Variants in KANK1 observed in about 807,000 individuals in gnomAD.
The protein encoded by KANK1 is KN motif and ankyrin repeat domain-containing protein 1.
Under a neutral mutation model 106.2 loss-of-function variants are expected in KANK1, and 109 were observed. That is an observed-to-expected ratio of 1.03 (90% CI 0.88 to 1.20). The LOEUF (loss-of-function observed/expected upper bound fraction) is 1.20, where lower values mean the gene tolerates loss of function less well. KANK1 is among the 50% of genes most tolerant of loss of function. The probability of loss-of-function intolerance (pLI) is 0.00; values close to 1 mark genes in which losing one functional copy is unlikely to be tolerated. For missense variants in KANK1, 2,399 were observed against 1,710.7 expected, an observed-to-expected ratio of 1.40 and a Z score of -7.10; for synonymous variants, 873 against 652.2, an observed-to-expected ratio of 1.34 and a Z score of -5.16.
chr9:563,611 T>G (rs1817051863), intron 1 of KANK1, among the ~76,000 whole-genome samples: 1 of 152,236 alleles, frequency 6.6e-6, no homozygotes, highest in Admixed American at 6.5e-5. Flanking sequence ...TATTTTCAAA[T>G]AGGCAGTAGA....
rs1350009377 is a variant in KANK1 at position 661,576 on chromosome 9, A to C, written c.-83-15314A>C. ...TCTCTGCTATTGTGAATAGTGCCGC[A>C]ATAAACATACATATGCATGTGTCTT... On this transcript the variant is annotated intron_variant, in intron 1 of 11. Transcript: ENST00000382297. 3.3e-5 allele frequency among the ~76,000 whole-genome samples: 5 copies of C among 152,044 alleles called. 1 individual carries two copies. The South Asian group carries it at 1.0e-3, about 32-fold the overall frequency.
intron 8 of KANK1, among the ~76,000 whole-genome samples, chr9:738,903 C>T (rs1834557094): frequency 6.6e-6 from 1 of 152,176 alleles, no homozygotes; most frequent in Admixed American, 6.5e-5. Flanking sequence ...GCGTGTGGAC[C>T]ACTTGATTTG....
intron 1 of KANK1, among the ~76,000 whole-genome samples, chr9:603,004 C>A (rs1376207383): frequency 6.6e-6 from 1 of 151,820 alleles, no homozygotes; most frequent in Non-Finnish European, 1.5e-5. Context: ...TGATAATTAT[C>A]TTCCTTAGCG....
chr9:734,780 G>T lies in KANK1; in HGVS notation c.3278G>T (p.Cys1093Phe). Residue 1093 changes from cysteine to phenylalanine, a missense_variant, in exon 7 of 12, where the codon TGC (cysteine) becomes TTC (phenylalanine). Transcript: ENST00000382297. Reference sequence around the variant, plus strand: ...TTAAGTGAAAAGATGTTGTCTGCATGCAACTTACTGAAAAATACTATAAAT... The same window carrying T: ...TTAAGTGAAAAGATGTTGTCTGCATTCAACTTACTGAAAAATACTATAAAT... ...YELSEKMLSACNLLKNTINDP... is the reference protein window; with the variant it reads ...YELSEKMLSAFNLLKNTINDP... 6.2e-7 allele frequency: 1 copy of T among 1,613,578 alleles called. No homozygotes were observed. Among genetic ancestry groups the T allele is most frequent in the Non-Finnish European group, 8.5e-7 (1 of 1,179,502 alleles).
At chr9:743,716 T>C (rs1408558654) in intron 10 of KANK1, among the ~76,000 whole-genome samples, 1 of 151,988 alleles carries the variant, frequency 6.6e-6, no homozygotes, top group Non-Finnish European at 1.5e-5. Flanking sequence ...AAAAAAATTA[T>C]CTAGGTGTGG....
At chr9:684,359 G>T in intron 2 of KANK1, 1 of 985,312 alleles carries the variant, frequency 1.0e-6, no homozygotes, top group African/African-American at 1.7e-5. Flanking sequence ...CTTTGGTTGG[G>T]GATTTTTGCC....
intron 1 of KANK1, among the ~76,000 whole-genome samples, chr9:613,823 C>T (rs1831147984): frequency 6.6e-6 from 1 of 152,124 alleles, no homozygotes; most frequent in African/African-American, 2.4e-5. Flanking sequence ...CACTAGATGG[C>T]AGTGTCACCA....
At chr9:500,403 T>G (rs1040090064), upstream of KANK1, among the ~76,000 whole-genome samples, 1 of 152,228 alleles carries the variant, frequency 6.6e-6, no homozygotes, top group Non-Finnish European at 1.5e-5. Flanking sequence ...ATAAGGCTCT[T>G]CACTCTGAAC....
chr9:513,193 A>G (rs930934307), intron 1 of KANK1, among the ~76,000 whole-genome samples: 1 of 152,246 alleles, frequency 6.6e-6, no homozygotes, highest in African/African-American at 2.4e-5. Flanking sequence ...AAACTCAGAT[A>G]CCTGTTTGCC....
At chr9:475,454 T>A (rs980623789) in intron 3 of KANK1, among the ~76,000 whole-genome samples, 2 of 152,152 alleles carry the variant, frequency 1.3e-5, no homozygotes. Flanking sequence ...CTCTTCCAAA[T>A]ATACTCTACT....
intron 1 of KANK1, among the ~76,000 whole-genome samples, chr9:641,488 C>G (rs1426304116): frequency 6.6e-6 from 1 of 152,166 alleles, no homozygotes; most frequent in Non-Finnish European, 1.5e-5. Context: ...ATCTCCACCA[C>G]CATGAACAAC....
intron 2 of KANK1, among the ~76,000 whole-genome samples, chr9:696,594 A>G (rs917850486): frequency 6.6e-6 from 1 of 152,092 alleles, no homozygotes; most frequent in Non-Finnish European, 1.5e-5. Context: ...GATAAGCTTG[A>G]AAATTTCTCA....
intron 1 of KANK1, among the ~76,000 whole-genome samples, chr9:571,242 A>C (rs1356331026): frequency 6.6e-6 from 1 of 152,206 alleles, no homozygotes; most frequent in Non-Finnish European, 1.5e-5. Flanking sequence ...TTAGCAAGGC[A>C]AACAGAAATA....
chr9:713,157 G>T lies in KANK1; in HGVS notation c.2391G>T (p.Val797=). 1 of 1,591,136 alleles carries T rather than the reference G, an allele frequency of 6.3e-7. No individual in the cohort carries two copies. The highest frequency in any genetic ancestry group is 1.2e-5 in the South Asian group (1 of 86,122). The change falls in exon 3 of 12, where the codon GTG becomes GTT. Residue 797 remains valine, a synonymous_variant. Transcript: ENST00000382297. The part of the protein sequence containing the change: ...TVGLTASRRS[V]GVGDDPVGES... ...GGCTGACAGCCAGCAGAAGGAGCGT[G>T]GGGGTTGGGGATGACCCTGTAGGGG...
At chr9:596,350 G>T (rs772181098) in intron 1 of KANK1, among the ~76,000 whole-genome samples, 1 of 151,872 alleles carries the variant, frequency 6.6e-6, no homozygotes, top group Non-Finnish European at 1.5e-5. Flanking sequence ...TCACCTGTAA[G>T]GGAGGGTGTA....
chr9:676,096 G>C (rs1816364852), intron 1 of KANK1, among the ~76,000 whole-genome samples: 1 of 152,168 alleles, frequency 6.6e-6, no homozygotes, highest in Non-Finnish European at 1.5e-5. Flanking sequence ...GTTTTGGTGG[G>C]TTTTGGACGG....
intron 1 of KANK1, among the ~76,000 whole-genome samples, chr9:581,864 T>C (rs754493234): frequency 6.6e-6 from 1 of 152,140 alleles, no homozygotes; most frequent in Non-Finnish European, 1.5e-5. Context: ...CTGGGGTTGC[T>C]GCACACCTCA....
At chr9:677,804 C>T (rs775457379) in intron 2 of KANK1, among the ~76,000 whole-genome samples, 2 of 152,176 alleles carry the variant, frequency 1.3e-5, no homozygotes, top group African/African-American at 4.8e-5. Flanking sequence ...CAAATGACAA[C>T]ATTATATACT....
intron 1 of KANK1, among the ~76,000 whole-genome samples, chr9:609,396 G>C (rs10815339): frequency 0.39 from 59,333 of 152,040 alleles, 13,950 homozygotes; most frequent in South Asian, 0.57. Context: ...GGGAGGCCGA[G>C]GAGGGCGGAT....
Sources: allele counts gnomAD v4.1 joint callset (sites outside exome capture counted in the v4.1 genomes callset), GRCh38; gene constraint gnomAD v4.1.1; transcripts MANE v1.5; gene names NCBI Gene and HGNC (gene_info 2026-07-23, HGNC 2026-07-21).